Variants in SEPHS1 observed in about 807,000 individuals in gnomAD.
The protein encoded by SEPHS1 is selenophosphate synthetase 1.
Under a neutral mutation model 39.2 loss-of-function variants are expected in SEPHS1, and 7 were observed. The ratio of observed to expected loss-of-function variants is 0.18; its 90% confidence interval spans 0.10 to 0.34. The LOEUF (loss-of-function observed/expected upper bound fraction) is 0.34, where lower values mean the gene tolerates loss of function less well. Among genes scored for constraint, SEPHS1 ranks in the 10% least tolerant of loss-of-function variants. The probability of loss-of-function intolerance (pLI) is 1.00; values close to 1 mark genes in which losing one functional copy is unlikely to be tolerated. For missense variants in SEPHS1, 253 were observed against 514.5 expected (o/e 0.49, Z 4.92); for synonymous variants, 190 against 195.5 (o/e 0.97, Z 0.23).
intron 2 of SEPHS1, among the ~76,000 whole-genome samples, chr10:13,339,283 T>C (rs1343907885): frequency 6.6e-6 from 1 of 152,144 alleles, no homozygotes; most frequent in Non-Finnish European, 1.5e-5. Flanking sequence ...AAAAATGCTA[T>C]TATTACTTAT....
At chr10:13,327,088 A>T (rs1404497762) in intron 7 of SEPHS1, among the ~76,000 whole-genome samples, 2 of 151,908 alleles carry the variant, frequency 1.3e-5, no homozygotes, top group Admixed American at 1.3e-4. Context: ...AAATACAAAA[A>T]TCCGCCGGGC....
At chr10:13,342,092 C>G (rs1833804474) in intron 2 of SEPHS1, among the ~76,000 whole-genome samples, 1 of 151,202 alleles carries the variant, frequency 6.6e-6, no homozygotes, top group Non-Finnish European at 1.5e-5. Context: ...ACTGTGAAAC[C>G]CCGTCTCTAC....
At chr10:13,341,454 C>T (rs1311685204) in intron 2 of SEPHS1, among the ~76,000 whole-genome samples, 1 of 120,466 alleles carries the variant, frequency 8.3e-6, no homozygotes, top group Non-Finnish European at 1.9e-5. Context: ...ACCCCTGCAC[C>T]GCCCCCGCCA....
At chr10:13,339,296 A>G (rs1833724386) in intron 2 of SEPHS1, among the ~76,000 whole-genome samples, 1 of 152,140 alleles carries the variant, frequency 6.6e-6, no homozygotes, top group East Asian at 1.9e-4. Flanking sequence ...TTACTTATAC[A>G]TTTTAGTCAA....
Position 13,319,286 on chromosome 10 carries a change from A to G in SEPHS1, c.1035T>C (p.Tyr345=). Residue 345 remains tyrosine, a synonymous_variant, in exon 9 of 9, where the codon TAT becomes TAC. Transcript: ENST00000327347. ...TAATCCATGCTTGGTGGCCTTCACC[A>G]TATTTGGGGGACTTTATCTCTGCAC... The part of the protein sequence containing the change: ...RFCAEIKSPK[Y]GEGHQAWIIG... 3.1e-6 allele frequency: 5 copies of G among 1,613,922 alleles called. No homozygotes were observed. The East Asian group carries it at 6.7e-5, about 22-fold the overall frequency.
chr10:13,328,779 G>C (rs3824655), intron 6 of SEPHS1, among the ~76,000 whole-genome samples: 97,490 of 152,084 alleles, frequency 0.64, 31,551 homozygotes, highest in East Asian at 0.77. Context: ...TCCCCCATCC[G>C]TGACACTCCC....
intron 4 of SEPHS1, among the ~76,000 whole-genome samples, chr10:13,335,885 CAGG>C (rs1311637016): frequency 1.3e-5 from 2 of 148,622 alleles, no homozygotes; most frequent in Non-Finnish European, 1.5e-5. Context: ...GAGGCTGAGG[CAGG>C]AGAATTGTTT....
intron 3 of SEPHS1, among the ~76,000 whole-genome samples, chr10:13,336,586 G>T (rs947553509): frequency 1.3e-5 from 2 of 152,176 alleles, no homozygotes; most frequent in Non-Finnish European, 2.9e-5. Context: ...TCTTGTGCAG[G>T]ACAAAGAATG....
At chr10:13,337,851 A>G (rs569719004) in intron 3 of SEPHS1, among the ~76,000 whole-genome samples, 1 of 152,354 alleles carries the variant, frequency 6.6e-6, no homozygotes, top group Non-Finnish European at 1.5e-5. Flanking sequence ...TAGGTTTCCA[A>G]TAATCTGGTA....
chr10:13,336,938 G>T (rs1310853781), intron 3 of SEPHS1, among the ~76,000 whole-genome samples: 1 of 152,164 alleles, frequency 6.6e-6, no homozygotes, highest in Non-Finnish European at 1.5e-5. Context: ...ATCACTTGAG[G>T]CCAGGAGTTA....
Position 13,348,132 on chromosome 10 carries a change from G to T in SEPHS1, c.-211C>A, listed in dbSNP as rs1833992093. The stretch of plus-strand genomic sequence containing the variant: ...CGCGCCCGGCGGCGGCGGCGGCGGC[G>T]GGGGCCCGGGCCCGCGCCTGGGCGC... On this transcript the variant is annotated 5_prime_UTR_variant, in exon 1 of 9. Coordinates refer to ENST00000327347, the MANE Select transcript of SEPHS1 (RefSeq NM_012247.5). 1 of 145,072 alleles carries T rather than the reference G, an allele frequency of 6.9e-6. No homozygotes were observed. The highest frequency in any genetic ancestry group is 6.8e-5 in the Admixed American group (1 of 14,702). 9.0% of individuals were successfully genotyped at this position (145,072 alleles called of 1,614,324 possible). A position where few individuals can be genotyped will look rare whatever the true frequency, so the allele number is the denominator to read the frequency against.
At chr10:13,345,747 C>T (rs541436675) in intron 1 of SEPHS1, among the ~76,000 whole-genome samples, 2 of 152,212 alleles carry the variant, frequency 1.3e-5, no homozygotes, top group Admixed American at 1.3e-4. Context: ...CGTGGTGGTG[C>T]GCACCTGTAA....
chr10:13,327,362 AC>A (rs960984917), intron 7 of SEPHS1, among the ~76,000 whole-genome samples: 4 of 152,100 alleles, frequency 2.6e-5, no homozygotes, highest in Admixed American at 2.6e-4. Flanking sequence ...CATAGTGAAA[AC>A]TTATACTAAC....
At chr10:13,321,969 C>T (rs914922153) in intron 8 of SEPHS1, 1 of 431,050 alleles carries the variant, frequency 2.3e-6, no homozygotes, top group Non-Finnish European at 4.6e-6. Flanking sequence ...CGTATGGTGT[C>T]AGACCTGCAC....
At chr10:13,321,306 G>T (rs1420890725) in intron 8 of SEPHS1, among the ~76,000 whole-genome samples, 1 of 151,986 alleles carries the variant, frequency 6.6e-6, no homozygotes, top group African/African-American at 2.4e-5. Context: ...TAGTGCAGTG[G>T]GGCGATCTTG....
rs1833007287 is a variant in SEPHS1, at chr10:13,318,464, AAACAG to A, written c.*673_*677del. On this transcript the variant is annotated 3_prime_UTR_variant, in exon 9 of 9. Transcript: ENST00000327347. ...AAAGTATCCTTTTTTGCTATCGATA[AAACAG>A]TTAATGGTATTACTGTAAATATCAG... is the stretch of plus-strand genomic sequence containing the variant. 6.5e-6 allele frequency: 1 copy of A among 152,696 alleles called. No homozygotes were observed. Among genetic ancestry groups the A allele is most frequent in the African/African-American group, 2.4e-5 (1 of 41,468 alleles). 9.5% of individuals were successfully genotyped at this position (152,696 alleles called of 1,614,324 possible). A position where few individuals can be genotyped will look rare whatever the true frequency, so the allele number is the denominator to read the frequency against.
At position 13,323,025 on chromosome 10, in the gene SEPHS1, G is replaced by A; in HGVS notation, c.774C>T (p.Phe258=). The change falls in exon 8 of 9, where the codon TTC becomes TTT. Residue 258 remains phenylalanine (F), a synonymous_variant. Coordinates refer to ENST00000327347, the MANE Select transcript of SEPHS1 (RefSeq NM_012247.5). ...NRTAAGLMHT[F]NAHAATDITG... ...TGATGTCAGTGGCGGCGTGGGCATT[G>A]AACGTGTGCATGAGTCCTGCAGCTG... 6.2e-7 allele frequency: 1 copy of A among 1,614,088 alleles called. No individual in the cohort carries two copies. The highest frequency in any genetic ancestry group is 8.5e-7 in the Non-Finnish European group (1 of 1,180,010).
At chr10:13,322,735 G>C (rs1022965450) in intron 8 of SEPHS1, 100 bp downstream of exon 8, 1 of 1,137,026 alleles carries the variant, frequency 8.8e-7, no homozygotes, top group South Asian at 1.4e-5. Context: ...CATGGAACTC[G>C]AACAGAGTGG....
At chr10:13,347,629 G>A (rs1440768844) in intron 1 of SEPHS1, among the ~76,000 whole-genome samples, 1 of 146,866 alleles carries the variant, frequency 6.8e-6, no homozygotes, top group East Asian at 2.0e-4. Flanking sequence ...GAGGCACCCC[G>A]CGACCCCAGG....
Sources: allele counts gnomAD v4.1 joint callset (sites outside exome capture counted in the v4.1 genomes callset), GRCh38; gene constraint gnomAD v4.1.1; transcripts MANE v1.5; gene names NCBI Gene and HGNC (gene_info 2026-07-23, HGNC 2026-07-21).